Variants in NCOA5 observed in about 807,000 individuals in gnomAD.
NCOA5 encodes the protein nuclear receptor coactivator 5, also known as NCoA-5.
Under a neutral mutation model 59.0 loss-of-function variants are expected in NCOA5, and 12 were observed. The ratio of observed to expected loss-of-function variants is 0.20; its 90% CI spans 0.13 to 0.33. The LOEUF (loss-of-function observed/expected upper bound fraction) is 0.33, where lower values mean the gene tolerates loss of function less well. NCOA5 is among the 10% of genes least tolerant of loss of function. The probability of loss-of-function intolerance (pLI) is 1.00; values close to 1 mark genes in which losing one functional copy is unlikely to be tolerated. For synonymous variants in NCOA5, 270 were observed against 275.5 expected (o/e 0.98, Z 0.20); for missense variants, 655 against 766.6 (o/e 0.85, Z 1.72).
At chr20:46,068,715 AT>A in intron 3 of NCOA5, 77 bp from the exon 4 acceptor site, 1 of 1,416,316 alleles carries the variant, frequency 7.1e-7, no homozygotes, top group Non-Finnish European at 9.7e-7. Context: ...ATTCTCTGGG[AT>A]TAGACAAATG....
intron 2 of NCOA5, among the ~76,000 whole-genome samples, chr20:46,076,266 TTTG>T (rs1420881904): frequency 1.3e-5 from 2 of 152,196 alleles, no homozygotes; most frequent in Non-Finnish European, 2.9e-5. Context: ...ATAAAGGCAG[TTTG>T]TTGTTGTCAA....
At chr20:46,067,961 C>T (rs1192704627) in intron 4 of NCOA5, among the ~76,000 whole-genome samples, 3 of 151,518 alleles carry the variant, frequency 2.0e-5, no homozygotes, top group African/African-American at 7.3e-5. Context: ...GACAGGGTCT[C>T]ACTCTGTCAC....
intron 1 of NCOA5, among the ~76,000 whole-genome samples, chr20:46,087,987 A>G (rs760295808): frequency 1.0e-4 from 14 of 139,016 alleles, no homozygotes; most frequent in Non-Finnish European, 1.7e-4. Flanking sequence ...ATATATATAC[A>G]TATACATATA....
chr20:46,068,056 G>A (rs2084842750), intron 4 of NCOA5, among the ~76,000 whole-genome samples: 1 of 151,770 alleles, frequency 6.6e-6, no homozygotes, highest in Admixed American at 6.6e-5. Flanking sequence ...TCAGCCCCCC[G>A]AGTAGCTGGG....
chr20:46,084,023 TTAACTG>T (rs1351989844), intron 1 of NCOA5, among the ~76,000 whole-genome samples: 1 of 152,224 alleles, frequency 6.6e-6, no homozygotes, highest in Non-Finnish European at 1.5e-5. Context: ...TATTACATCT[TTAACTG>T]TATTAGAATA....
At chr20:46,069,029 ACTCTTGAG>A (rs1320084341) in intron 3 of NCOA5, among the ~76,000 whole-genome samples, 8 of 151,568 alleles carry the variant, frequency 5.3e-5, no homozygotes, top group Non-Finnish European at 8.8e-5. Context: ...TTGGTCTTGA[ACTCTTGAG>A]CTCAGGCAAT....
chr20:46,072,901 T>C (rs1304366239), intron 2 of NCOA5, among the ~76,000 whole-genome samples: 4 of 152,252 alleles, frequency 2.6e-5, no homozygotes, highest in Non-Finnish European at 5.9e-5. Flanking sequence ...ACTTTGATTC[T>C]GCACTACAAA....
chr20:46,068,624 T>C lies in NCOA5; in HGVS notation c.380A>G (p.Tyr127Cys), dbSNP rs1408278959. The change falls in exon 4 of 8, where the codon TAT becomes TGT. Residue 127 changes from tyrosine to cysteine, a missense_variant. This residue lies in a region of NCOA5 where 250 missense variants were observed against 260.1 expected (regional missense o/e 0.96). Coordinates refer to ENST00000290231, the MANE Select transcript of NCOA5 (RefSeq NM_020967.3). ...RDPMYRREGS[Y>C]DRYLRMDDYC... ...GTCATCCATTCGTAGGTATCGGTCA[T>C]AAGAGCCTTCTCTCCTGAAAAGTTA... 7 of 1,610,222 alleles carry C rather than the reference T, an allele frequency of 4.3e-6. No homozygotes were observed. The highest frequency in any genetic ancestry group is 5.9e-6 in the Non-Finnish European group (7 of 1,178,850).
chr20:46,061,297 T>C lies in NCOA5; in HGVS notation c.*1003A>G, dbSNP rs1418065868. Reference sequence around the variant, plus strand: ...TAGAACCACAGCCAGAAACCCTCCTTCTAACAATTTCACTCTGGTACAAAA... The same window carrying C: ...TAGAACCACAGCCAGAAACCCTCCTCCTAACAATTTCACTCTGGTACAAAA... On this transcript the variant is annotated 3_prime_UTR_variant, in exon 8 of 8. Transcript: ENST00000290231. 6.6e-6 allele frequency: 1 copy of C among 152,496 alleles called. No homozygotes were observed. The highest frequency in any genetic ancestry group is 1.5e-5 in the Non-Finnish European group (1 of 68,030). 9.4% of individuals were successfully genotyped at this position (152,496 alleles called of 1,614,324 possible). A position where few individuals can be genotyped will look rare whatever the true frequency, so the allele number is the denominator to read the frequency against.
chr20:46,086,281 G>C (rs1232832710), intron 1 of NCOA5, among the ~76,000 whole-genome samples: 1 of 152,170 alleles, frequency 6.6e-6, no homozygotes, highest in Non-Finnish European at 1.5e-5. Flanking sequence ...TCTTTACATA[G>C]GATGTCTGGA....
intron 1 of NCOA5, among the ~76,000 whole-genome samples, chr20:46,081,054 T>C (rs1343859973): frequency 6.6e-6 from 1 of 152,128 alleles, no homozygotes; most frequent in Non-Finnish European, 1.5e-5. Flanking sequence ...TCTAATTATA[T>C]AGGTTGGCTA....
At chr20:46,073,177 TG>T (rs2084902913) in intron 2 of NCOA5, among the ~76,000 whole-genome samples, 1 of 151,958 alleles carries the variant, frequency 6.6e-6, no homozygotes, top group South Asian at 2.1e-4. Context: ...CTCATACTTT[TG>T]TCGTCTACCA....
intron 2 of NCOA5, among the ~76,000 whole-genome samples, chr20:46,076,534 A>T (rs181544727): frequency 1.4e-4 from 21 of 152,188 alleles, no homozygotes; most frequent in African/African-American, 4.3e-4. Flanking sequence ...TTAAGGTAAA[A>T]AACTGGGATT....
At chr20:46,072,465 G>T (rs1255527776) in intron 2 of NCOA5, among the ~76,000 whole-genome samples, 1 of 152,162 alleles carries the variant, frequency 6.6e-6, no homozygotes, top group Non-Finnish European at 1.5e-5. Flanking sequence ...CTACCAAGTA[G>T]CTGGAACTAC....
rs2145516380 is a variant in NCOA5, at chr20:46,061,726, G to A, written c.*574C>T. On this transcript the variant is annotated 3_prime_UTR_variant, in exon 8 of 8. Transcript: ENST00000290231. ...GAGAAAAATTCTTTTTTCTGTGGCT[G>A]CCATGGCCATTCCTCAACAATCCAG... is the stretch of plus-strand genomic sequence containing the variant. The A allele has an allele frequency of 6.6e-6, 1 of 152,458 alleles. No homozygotes were observed. 9.4% of individuals were successfully genotyped at this position (152,458 alleles called of 1,614,324 possible).
At chr20:46,066,888 C>T (rs904114861) in intron 5 of NCOA5, among the ~76,000 whole-genome samples, 167 bp downstream of exon 5, 2 of 152,176 alleles carry the variant, frequency 1.3e-5, no homozygotes, top group African/African-American at 4.8e-5. Context: ...CTTTTGGCCT[C>T]AATTTGAATT....
chr20:46,066,410 T>G (rs1305274834), intron 5 of NCOA5, among the ~76,000 whole-genome samples: 2 of 152,180 alleles, frequency 1.3e-5, no homozygotes, highest in Admixed American at 1.3e-4. Flanking sequence ...ATTGGGCATT[T>G]GGGTTGTCCC....
chr20:46,069,692 C>A (rs1296558567), intron 3 of NCOA5, among the ~76,000 whole-genome samples: 2 of 151,450 alleles, frequency 1.3e-5, no homozygotes, highest in Non-Finnish European at 2.9e-5. Flanking sequence ...GATCATGCCA[C>A]TGCACTCCAG....
chr20:46,079,287 A>T, intron 2 of NCOA5, 100 bp downstream of exon 2: 1 of 1,148,450 alleles, frequency 8.7e-7, no homozygotes, highest in East Asian at 2.4e-5. Context: ...TGAGCGTTTC[A>T]CTTGTTGGGG....
Sources: allele counts gnomAD v4.1 joint callset (sites outside exome capture counted in the v4.1 genomes callset), GRCh38; gene constraint gnomAD v4.1.1; regional missense constraint gnomAD v4.1.1; transcripts MANE v1.5; gene names NCBI Gene and HGNC (gene_info 2026-07-23, HGNC 2026-07-21).